Variants in ZEB1 observed in about 807,000 individuals in gnomAD.
ZEB1 encodes the protein zinc finger E-box binding homeobox 1.
In ZEB1, 21 loss-of-function variants were observed where a neutral mutation model predicts 84.9. The observed-to-expected ratio is 0.25, with a 90% confidence interval of 0.18 to 0.36. The LOEUF is 0.36. Among genes scored for constraint, ZEB1 ranks in the 10% least tolerant of loss-of-function variants. The probability of loss-of-function intolerance (pLI) is 1.00; values close to 1 mark genes in which losing one functional copy is unlikely to be tolerated. For missense variants in ZEB1, 1,104 were observed against 1,330.2 expected, an observed-to-expected ratio of 0.83 and a Z score of 2.65; for synonymous variants, 420 against 471.1, an observed-to-expected ratio of 0.89 and a Z score of 1.41.
intron 1 of ZEB1, among the ~76,000 whole-genome samples, chr10:31,373,596 T>A (rs945970232): frequency 6.6e-6 from 1 of 151,882 alleles, no homozygotes; most frequent in Admixed American, 6.6e-5. Context: ...GTCTGTTGAA[T>A]GCTGTTTGGT....
intron 1 of ZEB1, among the ~76,000 whole-genome samples, chr10:31,453,389 G>A (rs1005093360): frequency 6.6e-6 from 1 of 152,110 alleles, no homozygotes; most frequent in Admixed American, 6.6e-5. Context: ...CACAATAAAT[G>A]ATGATAGTGA....
intron 5 of ZEB1, among the ~76,000 whole-genome samples, chr10:31,512,019 A>G (rs949911093): frequency 2.6e-5 from 4 of 152,164 alleles, no homozygotes; most frequent in Non-Finnish European, 5.9e-5. Flanking sequence ...GCTCCAAGAG[A>G]AGGACGAAAT....
At chr10:31,335,971 TATC>T (rs1396437991) in intron 1 of ZEB1, among the ~76,000 whole-genome samples, 12 of 152,180 alleles carry the variant, frequency 7.9e-5, no homozygotes, top group Non-Finnish European at 1.3e-4. Flanking sequence ...GGTAGCATTA[TATC>T]ATCATAAAAG....
chr10:31,321,298 C>T (rs566033218), intron 1 of ZEB1: 1 of 1,391,014 alleles, frequency 7.2e-7, no homozygotes, highest in African/African-American at 1.4e-5. Flanking sequence ...ATATTCGAGC[C>T]ATCATTAAAA....
At chr10:31,395,928 T>C (rs2050630002) in intron 1 of ZEB1, among the ~76,000 whole-genome samples, 1 of 152,194 alleles carries the variant, frequency 6.6e-6, no homozygotes, top group Non-Finnish European at 1.5e-5. Flanking sequence ...AGTTTATTCT[T>C]ATCCCATCAT....
At chr10:31,356,989 G>A (rs1227267460) in intron 1 of ZEB1, among the ~76,000 whole-genome samples, 1 of 151,478 alleles carries the variant, frequency 6.6e-6, no homozygotes, top group Non-Finnish European at 1.5e-5. Flanking sequence ...TAACTCTACA[G>A]GGCAAAATCG....
At position 31,365,066 on chromosome 10, in the gene ZEB1, A is replaced by G. The variant is rs1021680323; in HGVS notation, c.58+45774A>G. Among the ~76,000 whole-genome samples, 10 of 152,344 alleles carry G rather than the reference A, an allele frequency of 6.6e-5. 1 individual carries two copies. Among genetic ancestry groups the G allele is most frequent in the African/African-American group, 2.4e-4 (10 of 41,580 alleles). ...TTTCTCGTCTGATGGGAAGGATCCA[A>G]GTATGTAAAGATTATGTTATAGATC... On this transcript the variant is annotated intron_variant, in intron 1 of 8. Coordinates refer to ENST00000424869, the MANE Select transcript of ZEB1 (RefSeq NM_001174096.2).
intron 1 of ZEB1, among the ~76,000 whole-genome samples, chr10:31,400,229 A>T (rs982688851): frequency 6.6e-6 from 1 of 152,180 alleles, no homozygotes; most frequent in Admixed American, 6.5e-5. Context: ...AGCACATAGA[A>T]ATATAGTGTT....
upstream of ZEB1, chr10:31,318,835 G>C: frequency 3.0e-6 from 1 of 337,298 alleles, no homozygotes; most frequent in South Asian, 2.4e-5. Context: ...TCCCTGCCCC[G>C]GGCAGCCGCG....
At chr10:31,319,406 A>G (rs1347462156) in intron 1 of ZEB1, 114 bp downstream of exon 1, 8 of 1,051,482 alleles carry the variant, frequency 7.6e-6, no homozygotes, top group Non-Finnish European at 1.1e-5. Flanking sequence ...CAGGGACGGC[A>G]AAGTGGAGTG....
At chr10:31,366,740 TAGCAAAG>T (rs1192469759) in intron 1 of ZEB1, among the ~76,000 whole-genome samples, 1 of 152,226 alleles carries the variant, frequency 6.6e-6, no homozygotes. Context: ...TTATGAGGTC[TAGCAAAG>T]ATCTTTTTCT....
rs562121316 is a variant in ZEB1, at chr10:31,487,401, T to C, written c.260-8375T>C. ...CCAATTAATGAACATGGTGTGTGTT[T>C]ACATTTATTTAGGTTTTCTTTTTCT... On this transcript the variant is annotated intron_variant, in intron 2 of 8. Coordinates refer to ENST00000424869, the MANE Select transcript of ZEB1 (RefSeq NM_001174096.2). 3.3e-5 allele frequency among the ~76,000 whole-genome samples: 5 copies of C among 151,562 alleles called. No individual in the cohort carries two copies. The East Asian group carries it at 9.7e-4, about 29-fold the overall frequency.
intron 8 of ZEB1, among the ~76,000 whole-genome samples, chr10:31,525,007 A>G (rs930875561): frequency 1.3e-5 from 2 of 152,124 alleles, no homozygotes; most frequent in African/African-American, 4.8e-5. Context: ...GAGCATACGC[A>G]TGTTTTTCTA....
intron 4 of ZEB1, among the ~76,000 whole-genome samples, chr10:31,508,893 C>T (rs1018837539): frequency 5.3e-5 from 8 of 152,158 alleles, no homozygotes; most frequent in Admixed American, 1.3e-4. Context: ...CTTAGCAGCT[C>T]AGCTGCTGAG....
intron 1 of ZEB1, among the ~76,000 whole-genome samples, chr10:31,373,717 C>T (rs1479747387): frequency 2.6e-5 from 4 of 151,518 alleles, no homozygotes; most frequent in East Asian, 1.9e-4. Flanking sequence ...TATACTTTGG[C>T]GGAAACTATT....
rs761453640 is a variant in ZEB1 at position 31,526,732 on chromosome 10, T to C, written c.2846T>C (p.Ile949Thr). 11 of 1,614,112 alleles carry C rather than the reference T, an allele frequency of 6.8e-6. No homozygotes were observed. Among genetic ancestry groups the C allele is most frequent in the Non-Finnish European group, 8.5e-6 (10 of 1,180,016 alleles). ...GCATTTAAACACAAACATCATTTGATTGAACACATGCGATTACATTCTGGA... is the reference window on the plus strand; with the variant it reads ...GCATTTAAACACAAACATCATTTGACTGAACACATGCGATTACATTCTGGA... ...KKAFKHKHHL[I>T]EHMRLHSGEK... Residue 949 changes from isoleucine to threonine, a missense_variant, in exon 9 of 9, where the codon ATT becomes ACT. Around this residue, in one of 7 missense-constraint regions of ZEB1, gnomAD observed 53 missense variants for 92.5 expected, o/e 0.57. Coordinates refer to ENST00000424869, the MANE Select transcript of ZEB1 (RefSeq NM_001174096.2).
intron 1 of ZEB1, among the ~76,000 whole-genome samples, chr10:31,407,835 A>G (rs1323797270): frequency 4.0e-5 from 6 of 150,634 alleles, no homozygotes; most frequent in Middle Eastern, 3.4e-3. Flanking sequence ...AACTGGCACA[A>G]GACAGGGATG....
At chr10:31,354,636 T>A (rs1471005444) in intron 1 of ZEB1, among the ~76,000 whole-genome samples, 2 of 152,118 alleles carry the variant, frequency 1.3e-5, no homozygotes, top group African/African-American at 4.8e-5. Flanking sequence ...TTAATTAAAA[T>A]TTTTTTACTA....
intron 1 of ZEB1, among the ~76,000 whole-genome samples, chr10:31,395,728 C>T (rs1378502061): frequency 2.6e-5 from 4 of 152,146 alleles, no homozygotes; most frequent in African/African-American, 9.7e-5. Flanking sequence ...AAAGGAGGGA[C>T]TTCACCTCTT....
Sources: allele counts gnomAD v4.1 joint callset (sites outside exome capture counted in the v4.1 genomes callset), GRCh38; gene constraint gnomAD v4.1.1; regional missense constraint gnomAD v4.1.1; transcripts MANE v1.5; gene names NCBI Gene and HGNC (gene_info 2026-07-23, HGNC 2026-07-21).